EPHB2: variants seen among roughly 807,000 people sequenced by gnomAD.
The protein encoded by EPHB2 is ephrin type-B receptor 2.
In EPHB2, 18 loss-of-function variants were observed where a neutral mutation model predicts 96.4. The observed-to-expected ratio is 0.19, with a 90% CI of 0.13 to 0.28. EPHB2 has a LOEUF of 0.28. EPHB2 is among the 10% of genes least tolerant of loss of function. The pLI, the probability that EPHB2 is intolerant of heterozygous loss-of-function variation, is 1.00. For synonymous variants in EPHB2, 506 were observed against 534.1 expected, an observed-to-expected ratio of 0.95 and a Z score of 0.72; for missense variants, 989 against 1,355.4, an observed-to-expected ratio of 0.73 and a Z score of 4.25.
chr1:22,890,926 C>T (rs770832695), intron 6 of EPHB2, among the ~76,000 whole-genome samples: 6 of 152,198 alleles, frequency 3.9e-5, no homozygotes, highest in Non-Finnish European at 5.9e-5. Flanking sequence ...GTCAATTTCA[C>T]TTCTTTCCTT....
At chr1:22,766,443 G>T (rs140876334) in intron 1 of EPHB2, among the ~76,000 whole-genome samples, 1 of 152,234 alleles carries the variant, frequency 6.6e-6, no homozygotes, top group Non-Finnish European at 1.5e-5. Context: ...GTTCTCAGTC[G>T]TGTTGGCCTC....
chr1:22,853,667 C>T (rs1349475507), intron 3 of EPHB2, among the ~76,000 whole-genome samples: 1 of 152,252 alleles, frequency 6.6e-6, no homozygotes, highest in Non-Finnish European at 1.5e-5. Flanking sequence ...TGAGCAAAGG[C>T]CCAGAGGCGA....
rs754426185 is a variant in EPHB2, at chr1:22,913,676, A to AGGCCACG, written c.*116_*122dup. The AGGCCACG allele has an allele frequency of 1.7e-5, 28 of 1,604,170 alleles. No homozygotes were observed. The highest frequency in any genetic ancestry group is 3.3e-5 in the South Asian group (3 of 89,608). On this transcript the variant is annotated 3_prime_UTR_variant, in exon 16 of 16. Transcript: ENST00000374630. The surrounding 1 kb of genome is among the most constrained non-coding windows in gnomAD (Gnocchi z 4.1). Reference sequence around the variant, plus strand: ...ACTGCAGGGCCAGCCACTCGCCAGGAGGCCACGGGCCACGGGAAGAACCAA... The same window carrying AGGCCACG: ...ACTGCAGGGCCAGCCACTCGCCAGGAGGCCACGGGCCACGGGCCACGGGAAGAACCAA...
intron 1 of EPHB2, among the ~76,000 whole-genome samples, chr1:22,756,718 G>T (rs1443504074): frequency 6.6e-6 from 1 of 152,146 alleles, no homozygotes; most frequent in African/African-American, 2.4e-5. Context: ...GCCAGCCCCA[G>T]AACAAGGCGG....
In EPHB2 at chr1:22,907,940, A is replaced by G. The variant is rs1211743275; in HGVS notation, c.2137-13A>G. 1 of 1,613,984 alleles carries G rather than the reference A, an allele frequency of 6.2e-7. No individual in the cohort carries two copies. The highest frequency in any genetic ancestry group is 1.1e-5 in the South Asian group (1 of 91,078). On this transcript the variant is annotated splice_polypyrimidine_tract_variant and intron_variant, in intron 11 of 15. Transcript: ENST00000374630. The stretch of plus-strand genomic sequence containing the variant: ...CTTCTGTTTACTCTGTGTTTTCCCC[A>G]CTTCTCCCAAAGCAAAACGATGGGC...
Position 22,730,152 on chromosome 1 carries a change from C to T in EPHB2, c.61+19109C>T, listed in dbSNP as rs538335736. ...GCTCACACACTGGCTGTGCACAGCC[C>T]CCTGGGAGGAAGGTCCCACTGGTAT... On this transcript the variant is annotated intron_variant, in intron 1 of 15. Coordinates refer to ENST00000374630, the MANE Select transcript of EPHB2 (RefSeq NM_017449.5). 4.8e-4 allele frequency among the ~76,000 whole-genome samples: 73 copies of T among 152,338 alleles called. No homozygotes were observed. In the South Asian group the frequency reaches 0.015, roughly 31 times the overall value.
At chr1:22,852,906 G>A (rs763228462) in intron 3 of EPHB2, among the ~76,000 whole-genome samples, 1 of 152,224 alleles carries the variant, frequency 6.6e-6, no homozygotes, top group Non-Finnish European at 1.5e-5. Flanking sequence ...GAGATGGGAG[G>A]TGGAGAGACA....
chr1:22,716,522 C>T (rs1643299917), intron 1 of EPHB2, among the ~76,000 whole-genome samples: 1 of 152,038 alleles, frequency 6.6e-6, no homozygotes, highest in South Asian at 2.1e-4. Context: ...TTAGTGGAGA[C>T]GGGGCGGGGG....
intron 3 of EPHB2, among the ~76,000 whole-genome samples, chr1:22,841,557 G>A (rs951913058): frequency 4.6e-5 from 7 of 152,180 alleles, no homozygotes; most frequent in Non-Finnish European, 8.8e-5. Flanking sequence ...GAATAGAGAT[G>A]GCATCTCCCT....
At chr1:22,775,002 C>T (rs1258691946) in intron 1 of EPHB2, among the ~76,000 whole-genome samples, 2 of 152,174 alleles carry the variant, frequency 1.3e-5, no homozygotes, top group Admixed American at 1.3e-4. Context: ...GTGCCAGAGC[C>T]AAGATTCTGG....
intron 1 of EPHB2, among the ~76,000 whole-genome samples, chr1:22,741,679 CA>C (rs747438721): frequency 1.4e-5 from 1 of 73,882 alleles, no homozygotes; most frequent in Non-Finnish European, 3.0e-5. Context: ...TTCTTCCCAG[CA>C]AAAAAAAACA....
At chr1:22,852,342 C>G (rs1645635945) in intron 3 of EPHB2, among the ~76,000 whole-genome samples, 1 of 152,202 alleles carries the variant, frequency 6.6e-6, no homozygotes, top group Admixed American at 6.5e-5. Flanking sequence ...CTGTCACCAG[C>G]TCCTCCTGAT....
At chr1:22,743,454 G>T (rs1459845461) in intron 1 of EPHB2, among the ~76,000 whole-genome samples, 1 of 151,948 alleles carries the variant, frequency 6.6e-6, no homozygotes, top group Non-Finnish European at 1.5e-5. Flanking sequence ...GAGGATTTCT[G>T]TAAATTTAAT....
chr1:22,827,367 A>C (rs1328852485), intron 3 of EPHB2, among the ~76,000 whole-genome samples: 1 of 152,248 alleles, frequency 6.6e-6, no homozygotes, highest in Non-Finnish European at 1.5e-5. Context: ...CCTGGCTCAC[A>C]GCAGGGGCCC....
intron 3 of EPHB2, among the ~76,000 whole-genome samples, chr1:22,799,323 C>T (rs1204620135): frequency 1.3e-5 from 2 of 152,136 alleles, no homozygotes; most frequent in Non-Finnish European, 2.9e-5. Flanking sequence ...ACTCCAGACA[C>T]CCACAAGCAG....
In EPHB2 at chr1:22,906,792, G is replaced by A. The variant is rs199972358; in HGVS notation, c.1971G>A (p.Ser657=). 353 of 1,614,200 alleles carry A rather than the reference G, an allele frequency of 2.2e-4. 1 individual carries two copies. In the South Asian group the frequency reaches 2.3e-3, roughly 11 times the overall value. ...TTGTGGCCATCAAGACGCTCAAGTC[G>A]GGCTACACGGAGAAGCAGCGCCGGG... ...EIFVAIKTLK[S]GYTEKQRRDF... is the part of the protein sequence containing the mutation. The change falls in exon 11 of 16, where the codon TCG becomes TCA. Residue 657 remains serine, a synonymous_variant. Transcript: ENST00000374630. The surrounding 1 kb of genome is among the most constrained non-coding windows in gnomAD (Gnocchi z 4.8).
intron 3 of EPHB2, among the ~76,000 whole-genome samples, chr1:22,787,688 G>A (rs11579491): frequency 0.69 from 105,140 of 152,062 alleles, 38,641 homozygotes; most frequent in Non-Finnish European, 0.82. Flanking sequence ...GGCTGTAGTG[G>A]GCTATGATTA....
At chr1:22,801,335 C>A (rs1463297439) in intron 3 of EPHB2, among the ~76,000 whole-genome samples, 1 of 152,132 alleles carries the variant, frequency 6.6e-6, no homozygotes, top group Non-Finnish European at 1.5e-5. Flanking sequence ...TGAATGCCCC[C>A]CTTCCTGTGG....
intron 3 of EPHB2, among the ~76,000 whole-genome samples, chr1:22,786,100 G>C (rs1644606770): frequency 6.6e-6 from 1 of 152,206 alleles, no homozygotes; most frequent in Non-Finnish European, 1.5e-5. Flanking sequence ...GGTACACCCT[G>C]GTGCTAAGAA....
Sources: allele counts gnomAD v4.1 joint callset (sites outside exome capture counted in the v4.1 genomes callset), GRCh38; gene constraint gnomAD v4.1.1; non-coding constraint Gnocchi (gnomAD v3.1); transcripts MANE v1.5; gene names NCBI Gene and HGNC (gene_info 2026-07-23, HGNC 2026-07-21).